The following UBE3D variants were observed in gnomAD, a reference collection of about 807,000 sequenced individuals.
The protein encoded by UBE3D is ubiquitin protein ligase E3D.
UBE3D carries 48 observed loss-of-function variants against 49.6 expected under a neutral mutation model. The observed-to-expected ratio is 0.97, with a 90% CI of 0.77 to 1.23. The LOEUF (loss-of-function observed/expected upper bound fraction) is 1.23, where lower values mean the gene tolerates loss of function less well. UBE3D is among the 50% of genes most tolerant of loss of function. The probability of loss-of-function intolerance (pLI) is 0.00; values close to 1 mark genes in which losing one functional copy is unlikely to be tolerated. For synonymous variants in UBE3D, 189 were observed against 174.2 expected (o/e 1.08, Z -0.67); for missense variants, 452 against 468.4 (o/e 0.96, Z 0.32).
intron 8 of UBE3D, among the ~76,000 whole-genome samples, chr6:83,000,615 T>C (rs1779553670): frequency 6.6e-6 from 1 of 152,232 alleles, no homozygotes; most frequent in Non-Finnish European, 1.5e-5. Flanking sequence ...GGATAAAATG[T>C]TCAATCGGTT....
chr6:82,983,153 A>C lies in UBE3D; in HGVS notation c.1011-25703T>G, dbSNP rs1430583032. 6.8e-5 allele frequency among the ~76,000 whole-genome samples: 4 copies of C among 58,756 alleles called. No homozygotes were observed. In the Admixed American group the frequency reaches 9.4e-4, roughly 14 times the overall value. 38.5% of individuals were successfully genotyped at this position (58,756 alleles called of 152,430 possible). A position where few individuals can be genotyped will look rare whatever the true frequency, so the allele number is the denominator to read the frequency against. On this transcript the variant is annotated intron_variant, in intron 8 of 9. Coordinates refer to ENST00000369747, the MANE Select transcript of UBE3D (RefSeq NM_198920.3). ...GGCATGAGCCATCATACCTGGCTGA[A>C]AGTTTTTTTTTTTTTTTTTATCTTT...
chr6:82,909,461 C>T (rs1048015560), intron 9 of UBE3D, among the ~76,000 whole-genome samples: 1 of 152,190 alleles, frequency 6.6e-6, no homozygotes, highest in African/African-American at 2.4e-5. Context: ...CTAAGCCATT[C>T]AAGAGATATT....
At chr6:82,890,229 CTCTT>C (rs1770955985), downstream of UBE3D, among the ~76,000 whole-genome samples, 1 of 152,100 alleles carries the variant, frequency 6.6e-6, no homozygotes, top group African/African-American at 2.4e-5. Flanking sequence ...ATCCCTGTGT[CTCTT>C]TGTTTCTGTG....
chr6:83,017,704 T>A (rs1780790295), intron 8 of UBE3D: 1 of 152,190 alleles, frequency 6.6e-6, no homozygotes, highest in South Asian at 2.1e-4. Context: ...AATACTTTGA[T>A]ATTACCTCTC....
intron 5 of UBE3D, among the ~76,000 whole-genome samples, chr6:83,027,767 C>T (rs929207213): frequency 3.3e-5 from 5 of 152,120 alleles, no homozygotes; most frequent in Admixed American, 3.3e-4. Flanking sequence ...AGGGCTTTGC[C>T]GAATTGGAAT....
intron 9 of UBE3D, among the ~76,000 whole-genome samples, chr6:82,898,397 T>C (rs188381149): frequency 6.6e-6 from 1 of 152,340 alleles, no homozygotes; most frequent in Non-Finnish European, 1.5e-5. Flanking sequence ...ATTGTAGCAC[T>C]GTTCACAATA....
chr6:83,044,338 A>C (rs962549822), intron 4 of UBE3D, 90 bp downstream of exon 4: 6 of 1,269,824 alleles, frequency 4.7e-6, no homozygotes, highest in East Asian at 2.3e-5. Context: ...ACAGCAGTCT[A>C]TGTAACAAGC....
chr6:83,055,820 A>G (rs1028298842), intron 2 of UBE3D, among the ~76,000 whole-genome samples: 4 of 152,202 alleles, frequency 2.6e-5, no homozygotes, highest in African/African-American at 7.2e-5. Flanking sequence ...CACAAACTGA[A>G]GGCTAAAACT....
At chr6:82,931,929 G>A (rs553672988) in intron 9 of UBE3D, among the ~76,000 whole-genome samples, 13 of 152,258 alleles carry the variant, frequency 8.5e-5, no homozygotes, top group African/African-American at 2.4e-4. Flanking sequence ...TCCACATGTC[G>A]TGGGAGGGAC....
At chr6:83,020,210 AG>A (rs1184134699) in intron 7 of UBE3D, among the ~76,000 whole-genome samples, 3 of 152,232 alleles carry the variant, frequency 2.0e-5, no homozygotes, top group South Asian at 2.1e-4. Context: ...ATTGCAGTTC[AG>A]TCTTATCAGC....
At chr6:82,993,875 C>T (rs1407941319) in intron 8 of UBE3D, among the ~76,000 whole-genome samples, 1 of 152,182 alleles carries the variant, frequency 6.6e-6, no homozygotes, top group African/African-American at 2.4e-5. Context: ...AAAAAGAGTT[C>T]CATGATCATA....
chr6:82,919,516 A>G (rs1464993077), intron 9 of UBE3D, among the ~76,000 whole-genome samples: 1 of 152,008 alleles, frequency 6.6e-6, no homozygotes, highest in Non-Finnish European at 1.5e-5. Context: ...AGGTGGTGTG[A>G]ACCCAGGAGG....
intron 8 of UBE3D, among the ~76,000 whole-genome samples, chr6:82,960,517 G>A (rs113491049): frequency 9.0e-4 from 137 of 151,720 alleles, no homozygotes; most frequent in African/African-American, 3.2e-3. Flanking sequence ...ATTTCTTAGA[G>A]ATATTGTCCT....
In UBE3D at chr6:82,957,354, A is replaced by G. The variant is rs1434223554; in HGVS notation, c.1107T>C (p.Asn369=). ...GGCGAAGGGATGAAGGCAGATTGGC[A>G]TTACTCTTTGACAATATCAACAGCA... The part of the protein sequence containing the change: ...LELLLILSKS[N]ANLPSSLRRV... The change falls in exon 9 of 10, where the codon AAT becomes AAC. Residue 369 remains asparagine (N), a synonymous_variant. Coordinates refer to ENST00000369747, the MANE Select transcript of UBE3D (RefSeq NM_198920.3). 4 of 1,614,154 alleles carry G rather than the reference A, an allele frequency of 2.5e-6. No homozygotes were observed. The highest frequency in any genetic ancestry group is 3.4e-6 in the Non-Finnish European group (4 of 1,180,014).
downstream of UBE3D, among the ~76,000 whole-genome samples, chr6:82,891,995 C>G (rs1057057234): frequency 2.7e-5 from 4 of 150,040 alleles, no homozygotes; most frequent in East Asian, 5.8e-4. Context: ...AGCTGGGCAA[C>G]GAGAGCTAAA....
chr6:83,026,789 T>C (rs1781492660), intron 5 of UBE3D, among the ~76,000 whole-genome samples: 1 of 152,050 alleles, frequency 6.6e-6, no homozygotes. Flanking sequence ...ACCCCTGGGC[T>C]TAAGTGATCC....
intron 9 of UBE3D, among the ~76,000 whole-genome samples, chr6:82,954,717 G>A (rs2324139): frequency 2.6e-5 from 4 of 151,972 alleles, no homozygotes; most frequent in Non-Finnish European, 4.4e-5. Context: ...AATTAGAAGC[G>A]CCATTCCTCG....
rs1432982607 is a variant in UBE3D, at chr6:82,992,222, T to G, written c.1010+26751A>C. On this transcript the variant is annotated intron_variant, in intron 8 of 9. Coordinates refer to ENST00000369747, the MANE Select transcript of UBE3D (RefSeq NM_198920.3). ...TTTAAAGACATCTGCATTCCTTTTT[T>G]TTTTTTTTTTTTTTTTTTGAGATGG... Among the ~76,000 whole-genome samples the G allele has an allele frequency of 2.8e-5, 4 of 141,654 alleles. No individual in the cohort carries two copies. The East Asian group carries it at 8.0e-4, about 28-fold the overall frequency. 92.9% of individuals were successfully genotyped at this position (141,654 alleles called of 152,430 possible).
chr6:82,914,114 A>G (rs1364866374), intron 9 of UBE3D, among the ~76,000 whole-genome samples: 1 of 152,196 alleles, frequency 6.6e-6, no homozygotes, highest in Non-Finnish European at 1.5e-5. Context: ...GATTTCTTTC[A>G]GTTTCCTCCA....
Sources: allele counts gnomAD v4.1 joint callset (sites outside exome capture counted in the v4.1 genomes callset), GRCh38; gene constraint gnomAD v4.1.1; transcripts MANE v1.5; gene names NCBI Gene and HGNC (gene_info 2026-07-23, HGNC 2026-07-21).